The following SH2D6 variants were observed in gnomAD, a reference collection of about 807,000 sequenced individuals.
SH2D6 encodes SH2 domain-containing protein 6.
Under a neutral mutation model 30.2 loss-of-function variants are expected in SH2D6, and 31 were observed. That is an observed-to-expected ratio of 1.03 (90% CI 0.77 to 1.38). The LOEUF (loss-of-function observed/expected upper bound fraction) is 1.38, where lower values mean the gene tolerates loss of function less well. Among genes scored for constraint, SH2D6 ranks in the 40% most tolerant of loss-of-function variants. The probability of loss-of-function intolerance (pLI) is 0.00; values close to 1 mark genes in which losing one functional copy is unlikely to be tolerated. For missense variants in SH2D6, 240 were observed against 266.8 expected (o/e 0.90, Z 0.70); for synonymous variants, 93 against 104.6 (o/e 0.89, Z 0.68).
intron 5 of SH2D6, among the ~76,000 whole-genome samples, 180 bp downstream of exon 5, chr2:85,422,870 C>A (rs977369989): frequency 3.3e-5 from 5 of 152,182 alleles, no homozygotes; most frequent in Non-Finnish European, 7.3e-5. Context: ...ACAAACTACA[C>A]ACCAGACTTT....
intron 17 of SH2D6, 47 bp downstream of exon 17, chr2:85,434,158 CAG>C (rs1558763921): frequency 6.5e-7 from 1 of 1,540,864 alleles, no homozygotes; most frequent in Admixed American, 2.0e-5. Context: ...ATGTGAGACA[CAG>C]AGAGAGACAG....
chr2:85,420,003 T>C (rs1687685763), intron 2 of SH2D6, among the ~76,000 whole-genome samples: 1 of 152,202 alleles, frequency 6.6e-6, no homozygotes, highest in Admixed American at 6.5e-5. Context: ...AGTAGCCCTT[T>C]TGCCCCTAGA....
chr2:85,433,714 T>C, intron 16 of SH2D6, 83 bp downstream of exon 16: 1 of 1,023,410 alleles, frequency 9.8e-7, no homozygotes, highest in Non-Finnish European at 1.2e-6. Flanking sequence ...TGGCTCCATC[T>C]GCTTCCCTTG....
intron 5 of SH2D6, among the ~76,000 whole-genome samples, chr2:85,424,938 C>T (rs1017989650): frequency 5.3e-5 from 8 of 151,746 alleles, no homozygotes; most frequent in African/African-American, 9.7e-5. Flanking sequence ...TGGTGATGCG[C>T]GCCTGTGGTC....
At chr2:85,428,762 A>C (rs570119702) in intron 7 of SH2D6, 65 bp downstream of exon 7, 2 of 152,204 alleles carry the variant, frequency 1.3e-5, no homozygotes, top group Non-Finnish European at 2.9e-5. Flanking sequence ...TGGCAGCCTG[A>C]GCTGACTAAT....
intron 5 of SH2D6, among the ~76,000 whole-genome samples, chr2:85,423,178 G>T (rs1687805964): frequency 6.6e-6 from 1 of 151,930 alleles, no homozygotes; most frequent in Non-Finnish European, 1.5e-5. Flanking sequence ...GTGAGCCCCT[G>T]CACCCGGCCT....
At chr2:85,425,635 T>C (rs1423718160) in intron 6 of SH2D6, among the ~76,000 whole-genome samples, 1 of 152,186 alleles carries the variant, frequency 6.6e-6, no homozygotes, top group African/African-American at 2.4e-5. Flanking sequence ...AAATAAATTA[T>C]TAAAACTATT....
At chr2:85,423,126 A>G (rs1023969209) in intron 5 of SH2D6, among the ~76,000 whole-genome samples, 9 of 151,468 alleles carry the variant, frequency 5.9e-5, no homozygotes, top group African/African-American at 2.2e-4. Flanking sequence ...GACCTCAGGT[A>G]ATCCGCCTGC....
chr2:85,433,665 C>T, intron 16 of SH2D6, 34 bp downstream of exon 16: 1 of 1,049,884 alleles, frequency 9.5e-7, no homozygotes, highest in Non-Finnish European at 1.2e-6. Context: ...ACCCCTCCTG[C>T]CCGAGGCCCT....
intron 22 of SH2D6, 145 bp downstream of exon 22, chr2:85,435,969 C>T: frequency 8.4e-7 from 1 of 1,187,232 alleles, no homozygotes; most frequent in Non-Finnish European, 1.1e-6. Context: ...CCCTGAACTC[C>T]TTCCAGACAC....
intron 2 of SH2D6, chr2:85,420,890 G>T (rs966054177): frequency 1.3e-5 from 2 of 152,370 alleles, no homozygotes; most frequent in African/African-American, 4.8e-5. Context: ...GGGACGGGGT[G>T]AGGGGACTGT....
chr2:85,423,393 G>A (rs1158694314), intron 5 of SH2D6, among the ~76,000 whole-genome samples: 1 of 149,906 alleles, frequency 6.7e-6, no homozygotes, highest in African/African-American at 2.5e-5. Context: ...TATCACACCC[G>A]GTTAATTTTT....
intron 23 of SH2D6, 120 bp downstream of exon 23, chr2:85,436,714 TG>T (rs1405716672): frequency 3.9e-6 from 3 of 772,310 alleles, no homozygotes; most frequent in African/African-American, 1.7e-5. Context: ...GCAGCATTAA[TG>T]GGGAAAGCCT....
chr2:85,434,474 G>A lies in SH2D6; in HGVS notation c.566G>A (p.Gly189Glu). 6.4e-7 allele frequency: 1 copy of A among 1,550,500 alleles called. No individual in the cohort carries two copies. Among genetic ancestry groups the A allele is most frequent in the Non-Finnish European group, 8.7e-7 (1 of 1,146,976 alleles). Residue 189 changes from glycine to glutamate, a missense_variant and splice_region_variant, in exon 19 of 24, where the codon GGA becomes GAA. Transcript: ENST00000469800. The stretch of plus-strand genomic sequence containing the variant: ...CTGATCAGACCTCCTGTATGCCAGG[G>A]AACAGCAGATGCTGCCTCTAAAGGT... ...PTTAPQETRN[G>E]TADAASKEGR...
intron 5 of SH2D6, among the ~76,000 whole-genome samples, chr2:85,423,184 G>A (rs1687807578): frequency 6.6e-6 from 1 of 151,352 alleles, no homozygotes; most frequent in African/African-American, 2.4e-5. Context: ...CCCTGCACCC[G>A]GCCTGTTTTT....
chr2:85,431,118 G>A (rs1231015437), intron 12 of SH2D6, 92 bp from the exon 13 acceptor site: 1 of 147,090 alleles, frequency 6.8e-6, no homozygotes, highest in Non-Finnish European at 1.5e-5. Context: ...GAAAGGAGGA[G>A]GAAATGGAGG....
intron 19 of SH2D6, 120 bp downstream of exon 19, chr2:85,434,617 T>TTAA: frequency 1.0e-6 from 1 of 996,780 alleles, no homozygotes; most frequent in Non-Finnish European, 1.4e-6. Flanking sequence ...TGACTAGACT[T>TTAA]AAAAAAAAAA....
chr2:85,422,995 C>T (rs1687799980), intron 5 of SH2D6, among the ~76,000 whole-genome samples: 1 of 151,994 alleles, frequency 6.6e-6, no homozygotes, highest in African/African-American at 2.4e-5. Flanking sequence ...TCAAGCAGTT[C>T]TCCTGCCTCA....
intron 19 of SH2D6, 179 bp downstream of exon 19, chr2:85,434,676 C>A: frequency 4.5e-6 from 6 of 1,319,840 alleles, no homozygotes; most frequent in Non-Finnish European, 6.1e-6. Context: ...TGCAGGTGGT[C>A]CTGCCAGGGC....
Sources: allele counts gnomAD v4.1 joint callset (sites outside exome capture counted in the v4.1 genomes callset), GRCh38; gene constraint gnomAD v4.1.1; transcripts MANE v1.5; gene names NCBI Gene and HGNC (gene_info 2026-07-23, HGNC 2026-07-21).